GMDS: variants seen among roughly 807,000 people sequenced by gnomAD.
GMDS encodes the protein GDP-mannose 4,6-dehydratase.
A neutral mutation model predicts 49.9 loss-of-function variants in GMDS; 20 were observed. The observed-to-expected ratio is 0.40, with a 90% CI of 0.28 to 0.58. The LOEUF (loss-of-function observed/expected upper bound fraction) is 0.58, where lower values mean the gene tolerates loss of function less well. Ranked by LOEUF, GMDS falls within the 20% of genes least tolerant of loss-of-function variation. The pLI is 0.42. For synonymous variants in GMDS, 177 were observed against 178.6 expected (o/e 0.99, Z 0.07); for missense variants, 362 against 481.4 (o/e 0.75, Z 2.32).
At chr6:2,160,951 G>T (rs1777367633) in intron 1 of GMDS, among the ~76,000 whole-genome samples, 1 of 152,094 alleles carries the variant, frequency 6.6e-6, no homozygotes, top group Non-Finnish European at 1.5e-5. Context: ...AATAATCAAT[G>T]ACCATACCCT....
chr6:1,929,846 C>T (rs1201441081), intron 7 of GMDS, among the ~76,000 whole-genome samples: 1 of 152,178 alleles, frequency 6.6e-6, no homozygotes, highest in Non-Finnish European at 1.5e-5. Context: ...ATCCATCATC[C>T]AGCACAAATA....
rs1001836181 is a variant in GMDS at position 2,191,405 on chromosome 6, C to A, written c.102+53916G>T. Reference sequence around the variant, plus strand: ...GCAAGGGGGCACAGCTGGGACTTCCCGCTTCATGGAACCGGGAGCCAGGAG... The same window carrying A: ...GCAAGGGGGCACAGCTGGGACTTCCAGCTTCATGGAACCGGGAGCCAGGAG... On this transcript the variant is annotated intron_variant, in intron 1 of 10. Coordinates refer to ENST00000380815, the MANE Select transcript of GMDS (RefSeq NM_001500.4). This position sits in a 1 kb window ranked among gnomAD's most constrained non-coding sequence, Gnocchi z 4.6. Among the ~76,000 whole-genome samples the A allele has an allele frequency of 6.6e-6, 1 of 152,164 alleles. No individual in the cohort carries two copies. Among genetic ancestry groups the A allele is most frequent in the Non-Finnish European group, 1.5e-5 (1 of 68,000 alleles).
chr6:2,065,151 C>G (rs571862123), intron 4 of GMDS, among the ~76,000 whole-genome samples: 4 of 152,152 alleles, frequency 2.6e-5, no homozygotes, highest in Non-Finnish European at 5.9e-5. Context: ...AGGCACCCCC[C>G]AGCAGGGGCA....
chr6:1,872,658 C>A (rs2113805792), intron 7 of GMDS, among the ~76,000 whole-genome samples: 2 of 152,342 alleles, frequency 1.3e-5, no homozygotes, highest in East Asian at 3.9e-4. Flanking sequence ...CTCAGTTGAT[C>A]CTAATAAGTC....
intron 4 of GMDS, among the ~76,000 whole-genome samples, chr6:2,112,586 T>C (rs1194653796): frequency 6.6e-6 from 1 of 152,128 alleles, no homozygotes; most frequent in African/African-American, 2.4e-5. Flanking sequence ...GCTTTACCCA[T>C]CATATTCTCT....
At chr6:2,154,720 G>A (rs1365935920) in intron 1 of GMDS, among the ~76,000 whole-genome samples, 1 of 151,726 alleles carries the variant, frequency 6.6e-6, no homozygotes, top group East Asian at 1.9e-4. Flanking sequence ...GCCCAGATAT[G>A]CAATTATATG....
At chr6:1,761,780 G>A (rs1768165971) in intron 7 of GMDS, among the ~76,000 whole-genome samples, 1 of 152,088 alleles carries the variant, frequency 6.6e-6, no homozygotes, top group African/African-American at 2.4e-5. Flanking sequence ...CTCCAGTTGG[G>A]AAATCTCGCT....
intron 4 of GMDS, among the ~76,000 whole-genome samples, chr6:2,038,421 T>C (rs1769432913): frequency 6.6e-6 from 1 of 152,160 alleles, no homozygotes; most frequent in Admixed American, 6.5e-5. Context: ...TTGAGGGAGC[T>C]TATGCTTTCA....
intron 1 of GMDS, among the ~76,000 whole-genome samples, chr6:2,212,830 G>C (rs1463690209): frequency 2.0e-5 from 3 of 151,914 alleles, no homozygotes; most frequent in Non-Finnish European, 4.4e-5. Context: ...ATAAGAGCGT[G>C]TGTCATCCTC....
chr6:1,923,080 G>A (rs942501938), intron 7 of GMDS, among the ~76,000 whole-genome samples: 6 of 152,020 alleles, frequency 3.9e-5, no homozygotes, highest in South Asian at 4.2e-4. Flanking sequence ...CGTGCCTTTC[G>A]CCTTCCACCA....
chr6:1,683,255 C>G (rs1200724792), intron 9 of GMDS, among the ~76,000 whole-genome samples: 2 of 152,158 alleles, frequency 1.3e-5, no homozygotes, highest in Non-Finnish European at 2.9e-5. Flanking sequence ...TCCCGAGTAG[C>G]TGGGACTACA....
intron 7 of GMDS, among the ~76,000 whole-genome samples, chr6:1,890,035 C>G (rs922979532): frequency 1.3e-5 from 2 of 151,862 alleles, no homozygotes; most frequent in Non-Finnish European, 2.9e-5. Flanking sequence ...ACCAAAAGTT[C>G]CACTTTTTGG....
chr6:1,800,615 CTT>C (rs370877735), intron 7 of GMDS, among the ~76,000 whole-genome samples: 1,797 of 134,376 alleles, frequency 0.013, 30 homozygotes, highest in African/African-American at 0.045. Context: ...TTTTCTTTTT[CTT>C]TTTCTTTCTT....
At chr6:2,114,125 C>T (rs1408504177) in intron 4 of GMDS, among the ~76,000 whole-genome samples, 1 of 152,092 alleles carries the variant, frequency 6.6e-6, no homozygotes, top group African/African-American at 2.4e-5. Flanking sequence ...CCATTTAATA[C>T]TAAATGACAA....
At chr6:1,673,097 A>T (rs1581440249) in intron 9 of GMDS, among the ~76,000 whole-genome samples, 1 of 152,226 alleles carries the variant, frequency 6.6e-6, no homozygotes, top group African/African-American at 2.4e-5. Flanking sequence ...ACTTCAGTGA[A>T]AAGAGATGAG....
At chr6:1,637,329 C>T (rs1186360346) in intron 9 of GMDS, among the ~76,000 whole-genome samples, 1 of 152,240 alleles carries the variant, frequency 6.6e-6, no homozygotes, top group Non-Finnish European at 1.5e-5. Flanking sequence ...CGGCCGGCCC[C>T]GCAGACAGCA....
Position 1,717,484 on chromosome 6 carries a change from C to G in GMDS, c.987+8932G>C, listed in dbSNP as rs538403010. On this transcript the variant is annotated intron_variant, in intron 9 of 10. Coordinates refer to ENST00000380815, the MANE Select transcript of GMDS (RefSeq NM_001500.4). ...TGTAGAGCTTGCTGGATCTCAGCGC[C>G]TGTCACACTCCCTTGAAACATACCG... is the stretch of plus-strand genomic sequence containing the variant. 4.6e-5 allele frequency: 7 copies of G among 152,304 alleles called. No homozygotes were observed. In the South Asian group the frequency reaches 1.5e-3, roughly 32 times the overall value. 9.4% of individuals were successfully genotyped at this position (152,304 alleles called of 1,614,324 possible).
intron 9 of GMDS, among the ~76,000 whole-genome samples, chr6:1,661,811 T>C (rs1764084540): frequency 6.6e-6 from 1 of 152,244 alleles, no homozygotes; most frequent in Non-Finnish European, 1.5e-5. Context: ...TGCTTCAGCA[T>C]TCCCTGCTGC....
intron 1 of GMDS, among the ~76,000 whole-genome samples, chr6:2,200,523 G>A (rs1276692602): frequency 6.7e-6 from 1 of 149,724 alleles, no homozygotes; most frequent in African/African-American, 2.5e-5. Context: ...ACTAGGCAGT[G>A]AGGGCATCAT....
Sources: gnomAD v4.1 joint callset for allele counts (sites outside exome capture counted in the v4.1 genomes callset) on GRCh38, gnomAD v4.1.1 for gene constraint, Gnocchi (gnomAD v3.1) non-coding constraint, MANE v1.5 for transcripts, NCBI Gene and HGNC (gene_info 2026-07-23, HGNC 2026-07-21) for gene names.